The following PCDH7 variants were observed in gnomAD, a reference collection of about 807,000 sequenced individuals.
The protein encoded by PCDH7 is protocadherin 7.
PCDH7 carries 17 observed loss-of-function variants against 58.9 expected under a neutral mutation model. The ratio of observed to expected loss-of-function variants is 0.29; its 90% CI spans 0.20 to 0.43. PCDH7 has a LOEUF of 0.43. Ranked by LOEUF, PCDH7 falls within the 20% of genes least tolerant of loss-of-function variation. The pLI is 1.00. For missense variants in PCDH7, 1,274 were observed against 1,441.0 expected (o/e 0.88, Z 1.88); for synonymous variants, 664 against 616.4 (o/e 1.08, Z -1.14).
In PCDH7 at chr4:30,758,325, G is replaced by A. The variant is rs200700388; in HGVS notation, c.70+33729G>A. Among the ~76,000 whole-genome samples the A allele has an allele frequency of 5.3e-5, 8 of 152,282 alleles. No homozygotes were observed. The East Asian group carries it at 1.5e-3, about 29-fold the overall frequency. On this transcript the variant is annotated intron_variant, in intron 1 of 3. Coordinates refer to the PCDH7 transcript ENST00000509759. ...GGGGTTGGGGAGTATGGGAGTATTA[G>A]AAAGGAAGTGTTAGGAAGAAAGTTC...
At chr4:30,769,480 A>C (rs911159473) in intron 1 of PCDH7, among the ~76,000 whole-genome samples, 3 of 152,202 alleles carry the variant, frequency 2.0e-5, no homozygotes, top group African/African-American at 7.2e-5. Flanking sequence ...TTGCCTTCCC[A>C]GGTAGAGACT....
chr4:31,139,203 C>A (rs190453644), intron 3 of PCDH7, among the ~76,000 whole-genome samples: 3 of 152,032 alleles, frequency 2.0e-5, no homozygotes, highest in Non-Finnish European at 2.9e-5. Context: ...ATGGGGTATG[C>A]GGGCGTTGAG....
At chr4:31,123,569 C>T (rs1216336041) in intron 3 of PCDH7, among the ~76,000 whole-genome samples, 1 of 152,178 alleles carries the variant, frequency 6.6e-6, no homozygotes, top group Non-Finnish European at 1.5e-5. Context: ...AAAGGTTGCC[C>T]ATGACCTCTG....
intron 3 of PCDH7, among the ~76,000 whole-genome samples, chr4:31,046,749 A>T (rs900397159): frequency 6.6e-6 from 1 of 152,070 alleles, no homozygotes; most frequent in African/African-American, 2.4e-5. Flanking sequence ...CAAAGTAAAC[A>T]GTTTAAAATA....
intron 1 of PCDH7, among the ~76,000 whole-genome samples, chr4:30,904,379 A>G (rs897568395): frequency 7.9e-5 from 12 of 152,236 alleles, no homozygotes; most frequent in African/African-American, 2.2e-4. Context: ...CCCATGGTGA[A>G]TAGAATCCTC....
At chr4:31,088,769 C>T (rs1712824751) in intron 3 of PCDH7, among the ~76,000 whole-genome samples, 1 of 151,806 alleles carries the variant, frequency 6.6e-6, no homozygotes, top group African/African-American at 2.4e-5. Context: ...TCTATTTCTG[C>T]CGTTTTTTAA....
intron 2 of PCDH7, among the ~76,000 whole-genome samples, chr4:30,949,299 A>C (rs1358870609): frequency 6.6e-6 from 1 of 152,156 alleles, no homozygotes; most frequent in Non-Finnish European, 1.5e-5. Context: ...AAACATACAA[A>C]GTTAAATATT....
chr4:30,849,319 C>A (rs1368021363), intron 1 of PCDH7, among the ~76,000 whole-genome samples: 3 of 152,108 alleles, frequency 2.0e-5, no homozygotes, highest in African/African-American at 7.2e-5. Flanking sequence ...AAAGTTGAGA[C>A]AACTTCCACA....
At chr4:30,959,791 A>G (rs2109457898) in intron 3 of PCDH7, among the ~76,000 whole-genome samples, 1 of 152,248 alleles carries the variant, frequency 6.6e-6, no homozygotes, top group South Asian at 2.1e-4. Context: ...GTGTGCCTTC[A>G]TCTATTTTGG....
In PCDH7 at chr4:30,968,340, C is replaced by CACACTATA. The variant is rs1560541376; in HGVS notation, c.*7+18125_*7+18126insACACTATA. ...TACACTATATATATATATACACACACTATATATATATACACACACTATATA... is the reference window on the plus strand; with the variant it reads ...TACACTATATATATATATACACACACACACTATATATATATATATACACACACTATATA... On this transcript the variant is annotated intron_variant, in intron 3 of 3. Coordinates refer to the PCDH7 transcript ENST00000509759. 2.2e-3 allele frequency among the ~76,000 whole-genome samples: 182 copies of CACACTATA among 83,308 alleles called. 1 individual carries two copies. Among genetic ancestry groups the CACACTATA allele is most frequent in the African/African-American group, 0.01 (165 of 16,462 alleles). The allele number at this position is 83,308 out of a possible 152,430, so 54.7% of individuals were successfully genotyped here.
intron 3 of PCDH7, among the ~76,000 whole-genome samples, chr4:31,097,836 A>G (rs925668443): frequency 6.9e-4 from 104 of 151,568 alleles, no homozygotes; most frequent in African/African-American, 2.4e-3. Flanking sequence ...ATCTACTTGT[A>G]TCTTAATTAT....
intron 1 of PCDH7, among the ~76,000 whole-genome samples, chr4:30,830,235 G>T (rs566428966): frequency 2.0e-5 from 3 of 152,114 alleles, no homozygotes; most frequent in African/African-American, 7.2e-5. Flanking sequence ...TTCACATTAT[G>T]TATGTTGTAG....
intron 1 of PCDH7, among the ~76,000 whole-genome samples, chr4:30,729,479 A>G (rs1715159028): frequency 6.6e-6 from 1 of 152,012 alleles, no homozygotes; most frequent in African/African-American, 2.4e-5. Flanking sequence ...AATTGATAAC[A>G]TAGAGTAAAG....
intron 1 of PCDH7, among the ~76,000 whole-genome samples, chr4:30,765,253 T>C (rs1448018759): frequency 6.7e-6 from 1 of 149,002 alleles, no homozygotes; most frequent in South Asian, 2.2e-4. Context: ...ATAAGATAAC[T>C]AACTTAAAAA....
At chr4:30,999,647 C>T (rs1752192747) in intron 3 of PCDH7, among the ~76,000 whole-genome samples, 2 of 152,092 alleles carry the variant, frequency 1.3e-5, no homozygotes, top group South Asian at 4.1e-4. Context: ...CCAAACGATA[C>T]ATTACATTTT....
At chr4:30,885,603 A>C (rs563008896) in intron 1 of PCDH7, among the ~76,000 whole-genome samples, 4 of 152,162 alleles carry the variant, frequency 2.6e-5, no homozygotes, top group South Asian at 2.1e-4. Context: ...ACTTTCTTCA[A>C]AGAATTGGAA....
intron 2 of PCDH7, among the ~76,000 whole-genome samples, chr4:30,932,455 T>G (rs1744763572): frequency 6.6e-6 from 1 of 152,234 alleles, no homozygotes; most frequent in African/African-American, 2.4e-5. Flanking sequence ...TGTTCATTTT[T>G]GCTTTATAGG....
In PCDH7 at chr4:30,829,279, C is replaced by T. The variant is rs1477604981; in HGVS notation, c.71-90874C>T. ...ATGTATAATTGAATACTTCATTCCA[C>T]AAGCATTAATTAAATACCTAATGTA... On this transcript the variant is annotated intron_variant, in intron 1 of 3. Transcript: ENST00000509759. Among the ~76,000 whole-genome samples the T allele has an allele frequency of 2.0e-5, 3 of 151,970 alleles. No homozygotes were observed. The East Asian group carries it at 5.8e-4, about 29-fold the overall frequency.
intron 3 of PCDH7, among the ~76,000 whole-genome samples, chr4:31,125,479 G>A (rs1457648195): frequency 6.6e-6 from 1 of 152,146 alleles, no homozygotes; most frequent in Non-Finnish European, 1.5e-5. Context: ...TTCTTTCTGA[G>A]TTTATAGTAC....
Sources: allele counts gnomAD v4.1 joint callset (sites outside exome capture counted in the v4.1 genomes callset), GRCh38; gene constraint gnomAD v4.1.1; transcripts MANE v1.5; gene names NCBI Gene and HGNC (gene_info 2026-07-23, HGNC 2026-07-21).